Variants in C19orf38 observed in about 807,000 individuals in gnomAD.
C19orf38 encodes chromosome 19 open reading frame 38, also known as protein HIDE1.
In C19orf38, 14 loss-of-function variants were observed where a neutral mutation model predicts 26.6. The ratio of observed to expected loss-of-function variants is 0.53; its 90% CI spans 0.35 to 0.82. The LOEUF is 0.82. Ranked by LOEUF, C19orf38 falls within the 40% of genes least tolerant of loss-of-function variation. C19orf38 has a pLI of 0.01. For missense variants in C19orf38, 261 were observed against 299.5 expected, an observed-to-expected ratio of 0.87 and a Z score of 0.95; for synonymous variants, 132 against 128.5, an observed-to-expected ratio of 1.03 and a Z score of -0.18.
In C19orf38 at chr19:10,853,432, G is replaced by C. The variant is rs573350123; in HGVS notation, c.341-2833G>C. Among the ~76,000 whole-genome samples the C allele has an allele frequency of 1.6e-3, 236 of 150,166 alleles. 2 individuals are homozygous for C. Among genetic ancestry groups the C allele is most frequent in the African/African-American group, 5.6e-3 (228 of 40,770 alleles). Reference sequence around the variant, plus strand: ...CTCCCGAGTAGCTGGGATTACAGGCGTGCACCACCATGCCCAGCTACTTTT... The same window carrying C: ...CTCCCGAGTAGCTGGGATTACAGGCCTGCACCACCATGCCCAGCTACTTTT... On this transcript the variant is annotated intron_variant, in intron 2 of 6. Transcript: ENST00000397820.
chr19:10,862,290 G>A (rs1436493330), intron 5 of C19orf38, among the ~76,000 whole-genome samples: 4 of 135,428 alleles, frequency 3.0e-5, no homozygotes, highest in African/African-American at 5.7e-5. Context: ...CTGCAGCCTC[G>A]ACCTCCTAGG....
intron 6 of C19orf38, among the ~76,000 whole-genome samples, chr19:10,867,343 G>A (rs1173944963): frequency 6.6e-6 from 1 of 151,092 alleles, no homozygotes; most frequent in African/African-American, 2.4e-5. Flanking sequence ...GGTAGCACAT[G>A]CCTATAATGC....
At position 10,850,259 on chromosome 19, in the gene C19orf38, G is replaced by A; in HGVS notation, c.32G>A (p.Gly11Asp). 1 of 1,548,928 alleles carries A rather than the reference G, an allele frequency of 6.5e-7. No individual in the cohort carries two copies. The change falls in exon 2 of 7, where the codon GGC (glycine) becomes GAC (aspartate). Residue 11 changes from glycine (G) to aspartate (D), a missense_variant and splice_region_variant. Gly to Asp is a moderately conservative substitution (Grantham distance 94). Transcript: ENST00000397820. Reference sequence around the variant, plus strand: ...ACCCACCTTACCCTCTGCATTGCAGGCTCCTTGGCGATCCCAGCACCATCC... The same window carrying A: ...ACCCACCTTACCCTCTGCATTGCAGACTCCTTGGCGATCCCAGCACCATCC... MPWTILLFAAGSLAIPAPSIR... is the reference protein window; with the variant it reads MPWTILLFAADSLAIPAPSIR...
chr19:10,856,441 C>A, intron 3 of C19orf38, 84 bp downstream of exon 3: 2 of 1,096,000 alleles, frequency 1.8e-6, no homozygotes, highest in Non-Finnish European at 2.7e-6. Flanking sequence ...ACAACTCACA[C>A]CATTTTGTTT....
At chr19:10,860,523 A>G (rs2073686402) in intron 5 of C19orf38, among the ~76,000 whole-genome samples, 1 of 127,112 alleles carries the variant, frequency 7.9e-6, no homozygotes, top group African/African-American at 3.1e-5. Context: ...CAACAGAGCC[A>G]GACTCCATCT....
upstream of C19orf38, among the ~76,000 whole-genome samples, chr19:10,847,734 A>G (rs966247409): frequency 3.3e-5 from 5 of 152,100 alleles, no homozygotes; most frequent in African/African-American, 9.7e-5. Context: ...GAGGTAAGCC[A>G]TGCCTGAGGT....
intron 1 of C19orf38, among the ~76,000 whole-genome samples, chr19:10,839,416 C>T (rs1281267156): frequency 1.3e-5 from 2 of 152,180 alleles, no homozygotes; most frequent in African/African-American, 4.8e-5. Context: ...TCAGGGGCTA[C>T]TTTCTGTTAG....
chr19:10,857,339 C>CATATATATATATATAT (rs1215628613), intron 3 of C19orf38, among the ~76,000 whole-genome samples: 12 of 54,010 alleles, frequency 2.2e-4, no homozygotes, highest in Non-Finnish European at 3.0e-4. Flanking sequence ...CACACACATA[C>CATATATATATATATAT]ATATATATAT....
chr19:10,857,868 G>A (rs1187515965), intron 3 of C19orf38, among the ~76,000 whole-genome samples: 1 of 148,530 alleles, frequency 6.7e-6, no homozygotes, highest in Admixed American at 6.8e-5. Flanking sequence ...GCGACAGAAC[G>A]AGACTCTGTC....
At chr19:10,843,249 A>C (rs1214920611) in intron 1 of C19orf38, among the ~76,000 whole-genome samples, 3 of 152,250 alleles carry the variant, frequency 2.0e-5, no homozygotes, top group Non-Finnish European at 4.4e-5. Flanking sequence ...TGAGGAAAGC[A>C]CGCCAAATAG....
chr19:10,859,276 GTGTATGTGTGTGTGTA>G (rs2073665164), intron 4 of C19orf38, among the ~76,000 whole-genome samples: 2 of 127,758 alleles, frequency 1.6e-5, no homozygotes, highest in South Asian at 2.5e-4. Context: ...GTGTGTGTGT[GTGTATGTGTGTGTGTA>G]TATGTGTGTG....
chr19:10,869,092 G>T (rs2073778605), intron 6 of C19orf38, 126 bp from the exon 7 acceptor site: 1 of 1,231,624 alleles, frequency 8.1e-7, no homozygotes, highest in Admixed American at 2.3e-5. Flanking sequence ...ACAGGTGGGT[G>T]TGGGTGGGGG....
upstream of C19orf38, among the ~76,000 whole-genome samples, chr19:10,846,969 TG>T (rs1344737148): frequency 6.6e-6 from 1 of 152,170 alleles, no homozygotes; most frequent in Non-Finnish European, 1.5e-5. Flanking sequence ...GGAAATAGTG[TG>T]TGCAAAGGCC....
In C19orf38 at chr19:10,858,241, A is replaced by C. The variant is rs1488387363; in HGVS notation, c.434-75A>C. ...AGACTCTGTCTAAAAAAAAAAAAAA[A>C]AAAAAAAAAAACAGAAATTGCCGGA... On this transcript the variant is annotated intron_variant, in intron 3 of 6. Coordinates refer to ENST00000397820, the MANE Select transcript of C19orf38 (RefSeq NM_001136482.3). The C allele has an allele frequency of 1.7e-5, 21 of 1,206,760 alleles. No homozygotes were observed. In the Admixed American group the frequency reaches 3.5e-4, roughly 20 times the overall value. The allele number at this position is 1,206,760 out of a possible 1,614,324, so 74.8% of individuals were successfully genotyped here.
At chr19:10,848,752 T>A (rs2073540099) in intron 1 of C19orf38, among the ~76,000 whole-genome samples, 1 of 152,052 alleles carries the variant, frequency 6.6e-6, no homozygotes, top group African/African-American at 2.4e-5. Flanking sequence ...CCCCCAAGTT[T>A]ATGAATATCA....
chr19:10,837,371 A>G (rs923728393), intron 1 of C19orf38, among the ~76,000 whole-genome samples: 8 of 151,792 alleles, frequency 5.3e-5, no homozygotes, highest in Non-Finnish European at 1.0e-4. Flanking sequence ...GCTCTTTGTA[A>G]TATCAGTTTG....
intron 2 of C19orf38, among the ~76,000 whole-genome samples, chr19:10,854,492 C>A (rs2073605276): frequency 6.6e-6 from 1 of 152,236 alleles, no homozygotes; most frequent in Non-Finnish European, 1.5e-5. Flanking sequence ...CAAAGGCCCC[C>A]TTCTCTCACC....
At chr19:10,866,656 T>C (rs1370444959) in intron 6 of C19orf38, among the ~76,000 whole-genome samples, 1 of 150,738 alleles carries the variant, frequency 6.6e-6, no homozygotes, top group Non-Finnish European at 1.5e-5. Context: ...TGGCTAAAGT[T>C]TTTTTTTTTG....
intron 4 of C19orf38, 70 bp downstream of exon 4, chr19:10,858,413 C>A: frequency 1.4e-6 from 2 of 1,413,708 alleles, no homozygotes; most frequent in Non-Finnish European, 1.9e-6. Context: ...GCAGGGTGGG[C>A]ACTCCATGCC....
Sources: gnomAD v4.1 joint callset for allele counts (sites outside exome capture counted in the v4.1 genomes callset) on GRCh38, gnomAD v4.1.1 for gene constraint, MANE v1.5 for transcripts, NCBI Gene and HGNC (gene_info 2026-07-23, HGNC 2026-07-21) for gene names.